The following GASK1A variants were observed in gnomAD, a reference collection of about 807,000 sequenced individuals.
GASK1A encodes Golgi-associated kinase 1A.
GASK1A carries 40 observed loss-of-function variants against 41.2 expected under a neutral mutation model. The observed-to-expected ratio is 0.97, with a 90% CI of 0.75 to 1.27. The LOEUF is 1.27. GASK1A is among the 50% of genes most tolerant of loss of function. The pLI, the probability that GASK1A is intolerant of heterozygous loss-of-function variation, is 0.00. For synonymous variants in GASK1A, 316 were observed against 307.1 expected (o/e 1.03, Z -0.30); for missense variants, 678 against 745.1 (o/e 0.91, Z 1.05).
rs2089716003 is a variant in GASK1A, at chr3:43,056,307, C to CA, written c.1649_1650insA (p.Leu551ProfsTer32). ...CAGGGGCTGAAGCAGGTCCTCCAGA[C>CA]CCTGGAGCAGCGAGGACAGGTGCTG... is the stretch of plus-strand genomic sequence containing the variant. On this transcript the variant is annotated frameshift_variant, in exon 5 of 5. Coordinates refer to ENST00000430121, the MANE Select transcript of GASK1A (RefSeq NM_001129908.3). LOFTEE classifies it high-confidence loss of function. The CA allele has an allele frequency of 1.3e-6, 2 of 1,551,530 alleles. No individual in the cohort carries two copies. The highest frequency in any genetic ancestry group is 2.7e-5 in the African/African-American group (2 of 73,050).
chr3:42,993,715 T>A (rs1276216058), intron 1 of GASK1A, among the ~76,000 whole-genome samples: 2 of 152,196 alleles, frequency 1.3e-5, no homozygotes, highest in Non-Finnish European at 2.9e-5. Context: ...CCCCAGCCTC[T>A]ACTCCACGGC....
intron 2 of GASK1A, among the ~76,000 whole-genome samples, chr3:43,049,953 C>G (rs935296029): frequency 1.3e-5 from 2 of 149,820 alleles, no homozygotes; most frequent in African/African-American, 4.9e-5. Flanking sequence ...ATTCTTGTCA[C>G]AAATTACATC....
chr3:43,057,419 G>C lies in GASK1A; in HGVS notation c.*1033G>C, dbSNP rs2089721503. On this transcript the variant is annotated 3_prime_UTR_variant, in exon 5 of 5. Coordinates refer to ENST00000430121, the MANE Select transcript of GASK1A (RefSeq NM_001129908.3). The stretch of plus-strand genomic sequence containing the variant: ...GTGTCAATTTACATTTCTCCCAAGA[G>C]GGTAGGAGACTGATTATTTTTCTAC... 1 of 152,196 alleles carries C rather than the reference G, an allele frequency of 6.6e-6. No homozygotes were observed. The highest frequency in any genetic ancestry group is 2.1e-4 in the South Asian group (1 of 4,828). 9.4% of individuals were successfully genotyped at this position (152,196 alleles called of 1,614,324 possible). A position where few individuals can be genotyped will look rare whatever the true frequency, so the allele number is the denominator to read the frequency against.
intron 1 of GASK1A, among the ~76,000 whole-genome samples, chr3:42,988,451 G>A (rs2089323558): frequency 6.6e-6 from 1 of 152,180 alleles, no homozygotes; most frequent in South Asian, 2.1e-4. Context: ...AATGCCATCA[G>A]CCAAAGAACC....
chr3:42,996,122 G>T (rs201045828), intron 1 of GASK1A, among the ~76,000 whole-genome samples: 1 of 36,888 alleles, frequency 2.7e-5, no homozygotes. Context: ...CCAGCAAACA[G>T]GGGGACATAA....
In GASK1A at chr3:43,032,833, G is replaced by A. The variant is rs1330201111; in HGVS notation, c.570G>A (p.Gly190=). The A allele has an allele frequency of 1.9e-6, 3 of 1,548,652 alleles. No individual in the cohort carries two copies. Among genetic ancestry groups the A allele is most frequent in the Admixed American group, 3.9e-5 (2 of 51,012 alleles). ...AALPAWRATS[G]LTLWPHTAEG... Reference sequence around the variant, plus strand: ...TACCGGCTTGGAGAGCTACTTCTGGGCTGACACTCTGGCCCCATACAGCAG... The same window carrying A: ...TACCGGCTTGGAGAGCTACTTCTGGACTGACACTCTGGCCCCATACAGCAG... The change falls in exon 2 of 5, where the codon GGG becomes GGA. Residue 190 remains glycine (G), a synonymous_variant. Coordinates refer to ENST00000430121, the MANE Select transcript of GASK1A (RefSeq NM_001129908.3).
chr3:43,001,351 A>C lies in GASK1A; in HGVS notation c.3+21706A>C, dbSNP rs146977453. ...AAGCGATCATTCCTTCTAACACTGG[A>C]TACAGCTAAATCCAAACAGCACGTG... On this transcript the variant is annotated intron_variant, in intron 1 of 4. Transcript: ENST00000430121. Among the ~76,000 whole-genome samples, 1,186 of 152,276 alleles carry C rather than the reference A, an allele frequency of 7.8e-3. 25 individuals are homozygous for C. Among genetic ancestry groups the C allele is most frequent in the African/African-American group, 0.027 (1,114 of 41,560 alleles).
At chr3:43,037,403 C>G in intron 2 of GASK1A, 1 of 951,036 alleles carries the variant, frequency 1.1e-6, no homozygotes, top group Non-Finnish European at 1.7e-6. Flanking sequence ...ACAGCCCTTG[C>G]CACACAGAAG....
rs113819839 is a variant in GASK1A, at chr3:43,009,500, G to A, written c.4-22767G>A. On this transcript the variant is annotated intron_variant, in intron 1 of 4. Transcript: ENST00000430121. ...GGGCCAGAACTGGCTCCTGTGTGCTGGGAAGGGCTTGGTCTCTGCAGGCTG... is the reference window on the plus strand; with the variant it reads ...GGGCCAGAACTGGCTCCTGTGTGCTAGGAAGGGCTTGGTCTCTGCAGGCTG... Among the ~76,000 whole-genome samples the A allele has an allele frequency of 1.2e-3, 188 of 152,320 alleles. 1 individual carries two copies. The highest frequency in any genetic ancestry group is 4.3e-3 in the African/African-American group (177 of 41,566).
At chr3:43,026,542 A>C (rs2089547718) in intron 1 of GASK1A, among the ~76,000 whole-genome samples, 1 of 152,246 alleles carries the variant, frequency 6.6e-6, no homozygotes, top group African/African-American at 2.4e-5. Context: ...TCTGTGAATA[A>C]ATACCACAAA....
chr3:42,985,268 G>A (rs1159544524), intron 1 of GASK1A, among the ~76,000 whole-genome samples: 1 of 152,190 alleles, frequency 6.6e-6, no homozygotes, highest in African/African-American at 2.4e-5. Flanking sequence ...GAAGGAACGG[G>A]TGTCTCCATG....
intron 1 of GASK1A, among the ~76,000 whole-genome samples, chr3:42,982,450 A>C (rs2089287128): frequency 6.6e-6 from 1 of 152,224 alleles, no homozygotes. Context: ...TAAAGAGCTG[A>C]GATTTCACCA....
At chr3:42,988,752 C>G (rs2089325833) in intron 1 of GASK1A, among the ~76,000 whole-genome samples, 1 of 152,228 alleles carries the variant, frequency 6.6e-6, no homozygotes, top group Non-Finnish European at 1.5e-5. Context: ...CTGTTTTCTG[C>G]TGGCCTGGAT....
At chr3:43,034,514 C>CA (rs1423382238) in intron 2 of GASK1A, among the ~76,000 whole-genome samples, 1 of 152,082 alleles carries the variant, frequency 6.6e-6, no homozygotes, top group Non-Finnish European at 1.5e-5. Flanking sequence ...GAAACAAAGA[C>CA]AAAAAACAGA....
intron 2 of GASK1A, among the ~76,000 whole-genome samples, chr3:43,041,904 C>G (rs540864): frequency 0.71 from 108,247 of 152,066 alleles, 40,565 homozygotes; most frequent in East Asian, 0.84. Flanking sequence ...TGCCTGTAAT[C>G]CCAGCACTTT....
At chr3:43,005,702 G>A (rs978434943) in intron 1 of GASK1A, among the ~76,000 whole-genome samples, 10 of 152,118 alleles carry the variant, frequency 6.6e-5, no homozygotes, top group East Asian at 1.9e-4. Context: ...AAAAAAAATC[G>A]TAGGCTGGGG....
intron 1 of GASK1A, among the ~76,000 whole-genome samples, chr3:42,992,877 CA>C (rs1349631674): frequency 6.6e-6 from 1 of 152,066 alleles, no homozygotes; most frequent in Non-Finnish European, 1.5e-5. Flanking sequence ...AATTTATAGA[CA>C]AAAAAGGTAA....
intron 1 of GASK1A, among the ~76,000 whole-genome samples, chr3:43,010,079 C>T (rs1392018264): frequency 6.6e-6 from 1 of 152,112 alleles, no homozygotes; most frequent in African/African-American, 2.4e-5. Context: ...GCCTCCTGCC[C>T]CAGGGTGCTC....
intron 1 of GASK1A, among the ~76,000 whole-genome samples, chr3:43,004,713 C>A (rs1175445329): frequency 6.6e-6 from 1 of 152,154 alleles, no homozygotes; most frequent in Non-Finnish European, 1.5e-5. Flanking sequence ...CATCCATTCC[C>A]CCAATATAAT....
Sources: allele counts gnomAD v4.1 joint callset (sites outside exome capture counted in the v4.1 genomes callset), GRCh38; gene constraint gnomAD v4.1.1; transcripts MANE v1.5; gene names NCBI Gene and HGNC (gene_info 2026-07-23, HGNC 2026-07-21).